The following PCDH9 variants were observed in gnomAD, a reference collection of about 807,000 sequenced individuals.
PCDH9 encodes the protein protocadherin 9, also known as protocadherin-9.
In PCDH9, 24 loss-of-function variants were observed where a neutral mutation model predicts 70.6. That is an observed-to-expected ratio of 0.34 (90% confidence interval 0.25 to 0.48). The LOEUF (loss-of-function observed/expected upper bound fraction) is 0.48. Among genes scored for constraint, PCDH9 ranks in the 20% least tolerant of loss-of-function variants. The pLI is 0.99. For missense variants in PCDH9, 1,281 were observed against 1,503.6 expected (o/e 0.85, Z 2.45); for synonymous variants, 562 against 558.5 (o/e 1.01, Z -0.09).
At chr13:66,473,669 T>G (rs910723172) in intron 4 of PCDH9, among the ~76,000 whole-genome samples, 9 of 152,206 alleles carry the variant, frequency 5.9e-5, no homozygotes, top group Non-Finnish European at 1.3e-4. Flanking sequence ...CACTTCACAT[T>G]CTTACCTATA....
chr13:66,521,315 C>T (rs1959974983), intron 4 of PCDH9, among the ~76,000 whole-genome samples: 1 of 152,000 alleles, frequency 6.6e-6, no homozygotes, highest in African/African-American at 2.4e-5. Flanking sequence ...ATTTTTTCAA[C>T]ATTTATTTTC....
At chr13:66,787,726 C>T (rs1483713577) in intron 3 of PCDH9, among the ~76,000 whole-genome samples, 1 of 152,160 alleles carries the variant, frequency 6.6e-6, no homozygotes, top group Non-Finnish European at 1.5e-5. Context: ...CCAAACTTAG[C>T]TGACCTTCTG....
intron 4 of PCDH9, among the ~76,000 whole-genome samples, chr13:66,474,526 A>G (rs188112779): frequency 3.3e-5 from 5 of 152,274 alleles, no homozygotes; most frequent in East Asian, 1.9e-4. Context: ...CTTTACTATT[A>G]TGACAAGATA....
In PCDH9 at chr13:66,803,393, C is replaced by T. The variant is rs549764756; in HGVS notation, c.3138+100111G>A. The stretch of plus-strand genomic sequence containing the variant: ...GCTAAATTAAACCAGTTATCCCTTT[C>T]GACTCCCTCTAATTTCAAATACAAT... On this transcript the variant is annotated intron_variant, in intron 3 of 4. Coordinates refer to ENST00000377865, the MANE Select transcript of PCDH9 (RefSeq NM_203487.3). 1.4e-4 allele frequency among the ~76,000 whole-genome samples: 22 copies of T among 152,206 alleles called. No homozygotes were observed. The East Asian group carries it at 2.1e-3, about 15-fold the overall frequency.
intron 2 of PCDH9, among the ~76,000 whole-genome samples, chr13:66,911,287 T>C (rs540880540): frequency 1.7e-4 from 26 of 152,224 alleles, no homozygotes; most frequent in African/African-American, 6.3e-4. Flanking sequence ...GTGAACACAA[T>C]TCTGCTAAAT....
At position 67,170,817 on chromosome 13, in the gene PCDH9, C is replaced by T. The variant is rs1021935779; in HGVS notation, c.3036+54588G>A. Among the ~76,000 whole-genome samples the T allele has an allele frequency of 9.2e-5, 14 of 152,030 alleles. No homozygotes were observed. In the South Asian group the frequency reaches 1.5e-3, roughly 16 times the overall value. ...GTGCACTCCTGTAATCCCATCTACT[C>T]GGGAGGCTGAGGCACAAGAATCACT... On this transcript the variant is annotated intron_variant, in intron 2 of 4. Coordinates refer to ENST00000377865, the MANE Select transcript of PCDH9 (RefSeq NM_203487.3).
At chr13:66,440,698 C>T (rs1957957359) in intron 4 of PCDH9, among the ~76,000 whole-genome samples, 1 of 151,944 alleles carries the variant, frequency 6.6e-6, no homozygotes, top group Non-Finnish European at 1.5e-5. Context: ...AGTAATAAAC[C>T]CTGTTGCATT....
chr13:66,776,821 A>C (rs2079902388), intron 3 of PCDH9, among the ~76,000 whole-genome samples: 1 of 140,024 alleles, frequency 7.1e-6, no homozygotes, highest in African/African-American at 2.6e-5. Flanking sequence ...CGCATCACCA[A>C]GTCAATCCTA....
At chr13:67,137,308 G>A (rs919712932) in intron 2 of PCDH9, among the ~76,000 whole-genome samples, 7 of 152,002 alleles carry the variant, frequency 4.6e-5, no homozygotes, top group Non-Finnish European at 8.8e-5. Context: ...AAGATAACTG[G>A]GTGGTAAACT....
chr13:67,210,137 A>G (rs530173783), intron 2 of PCDH9: 3 of 152,236 alleles, frequency 2.0e-5, no homozygotes, highest in East Asian at 1.9e-4. Context: ...ATCAAACATT[A>G]TAAGAGTAAT....
At chr13:67,159,058 G>A (rs1047675724) in intron 2 of PCDH9, among the ~76,000 whole-genome samples, 9 of 152,150 alleles carry the variant, frequency 5.9e-5, no homozygotes, top group African/African-American at 1.7e-4. Flanking sequence ...AACCATAAAA[G>A]GAGATGCTAT....
chr13:66,745,474 G>A (rs1017082627), intron 3 of PCDH9, among the ~76,000 whole-genome samples: 2 of 152,106 alleles, frequency 1.3e-5, no homozygotes, highest in Non-Finnish European at 2.9e-5. Flanking sequence ...CAACCAAGCA[G>A]GAATGAGCCG....
At chr13:66,433,122 G>A (rs565783152) in intron 4 of PCDH9, among the ~76,000 whole-genome samples, 11 of 152,004 alleles carry the variant, frequency 7.2e-5, no homozygotes, top group Admixed American at 1.3e-4. Context: ...ATTTGAAATG[G>A]AAGACAAAAC....
chr13:66,515,502 G>A (rs758951834), intron 4 of PCDH9, among the ~76,000 whole-genome samples: 9 of 151,740 alleles, frequency 5.9e-5, no homozygotes, highest in Non-Finnish European at 1.0e-4. Flanking sequence ...ATCATATACG[G>A]TTTTAAAAAA....
At chr13:66,851,899 A>T (rs1467428705) in intron 3 of PCDH9, among the ~76,000 whole-genome samples, 1 of 152,130 alleles carries the variant, frequency 6.6e-6, no homozygotes, top group Admixed American at 6.6e-5. Flanking sequence ...GGTGTCAGCC[A>T]ATCTGGTTTC....
At chr13:67,110,323 T>TGGCCAACACGGTGAAACCCC (rs1231435066) in intron 2 of PCDH9, among the ~76,000 whole-genome samples, 19 of 152,066 alleles carry the variant, frequency 1.2e-4, no homozygotes, top group Non-Finnish European at 2.1e-4. Context: ...AAGACCAGCC[T>TGGCCAACACGGTGAAACCCC]GGCCAACACG....
chr13:67,215,616 G>A (rs950942607), intron 2 of PCDH9: 5 of 151,976 alleles, frequency 3.3e-5, no homozygotes, highest in Admixed American at 1.3e-4. Flanking sequence ...ATGATATGAT[G>A]GGCAGACATA....
At chr13:66,901,875 A>G (rs1212658418) in intron 3 of PCDH9, among the ~76,000 whole-genome samples, 1 of 151,756 alleles carries the variant, frequency 6.6e-6, no homozygotes, top group African/African-American at 2.4e-5. Context: ...TCTGAGGAGT[A>G]TGGTTAAGTC....
chr13:67,169,149 A>G (rs925539916), intron 2 of PCDH9, among the ~76,000 whole-genome samples: 1 of 152,222 alleles, frequency 6.6e-6, no homozygotes, highest in Non-Finnish European at 1.5e-5. Context: ...TTCCCTGTGA[A>G]TGGAAACCAC....
Sources: allele counts gnomAD v4.1 joint callset (sites outside exome capture counted in the v4.1 genomes callset), GRCh38; gene constraint gnomAD v4.1.1; transcripts MANE v1.5; gene names NCBI Gene and HGNC (gene_info 2026-07-23, HGNC 2026-07-21).